RBFOX1: variants seen among roughly 807,000 people sequenced by gnomAD.
RBFOX1 encodes RNA binding fox-1 homolog 1.
Under a neutral mutation model 57.7 loss-of-function variants are expected in RBFOX1, and 8 were observed. The ratio of observed to expected loss-of-function variants is 0.14; its 90% CI spans 0.08 to 0.25. RBFOX1 has a LOEUF of 0.25. RBFOX1 is among the 10% of genes least tolerant of loss of function. The pLI is 1.00. For synonymous variants in RBFOX1, 326 were observed against 222.4 expected, an observed-to-expected ratio of 1.47 and a Z score of -4.15; for missense variants, 611 against 548.5, an observed-to-expected ratio of 1.11 and a Z score of -1.14.
intron 2 of RBFOX1, among the ~76,000 whole-genome samples, chr16:6,397,645 A>G (rs978369679): frequency 1.2e-4 from 18 of 152,368 alleles, no homozygotes; most frequent in Admixed American, 5.2e-4. Context: ...ATAAAAGGTT[A>G]TAATGCTTCT....
At chr16:6,972,722 C>T (rs1452555761) in intron 3 of RBFOX1, among the ~76,000 whole-genome samples, 4 of 151,922 alleles carry the variant, frequency 2.6e-5, no homozygotes, top group South Asian at 2.1e-4. Context: ...TGGTCTCATG[C>T]GAAAGTATAA....
At chr16:7,066,490 C>T (rs117082276) in intron 4 of RBFOX1, among the ~76,000 whole-genome samples, 1,677 of 152,278 alleles carry the variant, frequency 0.011, 17 homozygotes, top group Non-Finnish European at 0.017. Flanking sequence ...AATGCCTCCC[C>T]TGGTTAGTTA....
At chr16:7,036,889 G>A (rs1427535358) in intron 3 of RBFOX1, among the ~76,000 whole-genome samples, 1 of 152,180 alleles carries the variant, frequency 6.6e-6, no homozygotes, top group Non-Finnish European at 1.5e-5. Flanking sequence ...CCTTGGGGCT[G>A]CTTGTTTCCC....
intron 3 of RBFOX1, among the ~76,000 whole-genome samples, chr16:6,822,991 G>C (rs555919548): frequency 6.6e-6 from 1 of 152,276 alleles, no homozygotes; most frequent in South Asian, 2.1e-4. Flanking sequence ...GCTTCTCAAC[G>C]TGTAGATACT....
At chr16:5,252,117 C>T (rs1014900699) in intron 1 of RBFOX1, among the ~76,000 whole-genome samples, 5 of 152,178 alleles carry the variant, frequency 3.3e-5, no homozygotes, top group Non-Finnish European at 7.4e-5. Flanking sequence ...AGGTGACCCT[C>T]TGTTTACTCT....
intron 2 of RBFOX1, among the ~76,000 whole-genome samples, chr16:6,489,827 A>C (rs1365467080): frequency 6.6e-6 from 1 of 152,196 alleles, no homozygotes; most frequent in Non-Finnish European, 1.5e-5. Context: ...CAACAGCAAA[A>C]AAGCCACCAA....
chr16:6,249,379 G>A (rs113427417), intron 1 of RBFOX1, among the ~76,000 whole-genome samples: 6 of 152,242 alleles, frequency 3.9e-5, no homozygotes, highest in African/African-American at 1.4e-4. Context: ...ACAAAAATTA[G>A]CCAGACATGG....
At position 6,478,411 on chromosome 16, in the gene RBFOX1, ATATATATATATATATATATTTT is replaced by A. The variant is rs1439395412; in HGVS notation, c.-64+161356_-64+161377del. On this transcript the variant is annotated intron_variant, in intron 2 of 15. Transcript: ENST00000550418. ...CTAATATATATATATATATATATAT[ATATATATATATATATATATTTT>A]TTTTTTTTTTTTTTGTATTTTTAGT... Among the ~76,000 whole-genome samples the A allele has an allele frequency of 5.4e-3, 158 of 29,424 alleles. 8 individuals are homozygous for A. In the South Asian group the frequency reaches 0.06, roughly 11 times the overall value. The allele number at this position is 29,424 out of a possible 152,430, so 19.3% of individuals were successfully genotyped here. A position where few individuals can be genotyped will look rare whatever the true frequency, so the allele number is the denominator to read the frequency against.
chr16:7,093,389 A>G (rs564628801), intron 4 of RBFOX1, among the ~76,000 whole-genome samples: 74 of 152,282 alleles, frequency 4.9e-4, no homozygotes, highest in African/African-American at 1.7e-3. Flanking sequence ...TCCAGCCGCC[A>G]TGTTTTTCTT....
intron 3 of RBFOX1, among the ~76,000 whole-genome samples, chr16:6,973,006 C>A (rs1299751309): frequency 6.6e-6 from 1 of 152,054 alleles, no homozygotes; most frequent in African/African-American, 2.4e-5. Context: ...TGGTAGGCAC[C>A]TGTAATCCCA....
chr16:6,402,267 T>C (rs1215647806), intron 2 of RBFOX1, among the ~76,000 whole-genome samples: 1 of 152,038 alleles, frequency 6.6e-6, no homozygotes, highest in African/African-American at 2.4e-5. Flanking sequence ...GTCTCTGGGG[T>C]AGAATAAACT....
intron 4 of RBFOX1, among the ~76,000 whole-genome samples, chr16:5,895,506 C>T (rs563539774): frequency 2.0e-5 from 3 of 152,176 alleles, no homozygotes; most frequent in Admixed American, 6.5e-5. Flanking sequence ...GAGGACTCTG[C>T]GTTTTCATTC....
At chr16:7,430,802 G>A (rs1862057356) in intron 4 of RBFOX1, among the ~76,000 whole-genome samples, 1 of 152,206 alleles carries the variant, frequency 6.6e-6, no homozygotes, top group Non-Finnish European at 1.5e-5. Flanking sequence ...ATGGCCAAGT[G>A]CAAGTCACTT....
At chr16:5,770,688 C>T (rs1048282733) in intron 3 of RBFOX1, among the ~76,000 whole-genome samples, 4 of 152,022 alleles carry the variant, frequency 2.6e-5, no homozygotes, top group Non-Finnish European at 5.9e-5. Context: ...CAAGAACCCT[C>T]CTGGGCTAAG....
intron 1 of RBFOX1, among the ~76,000 whole-genome samples, chr16:6,297,847 C>G (rs11859053): frequency 0.3 from 44,816 of 151,912 alleles, 6,629 homozygotes; most frequent in South Asian, 0.34. Flanking sequence ...CACTGGGTGG[C>G]GAAACGCCAG....
chr16:6,524,646 C>A (rs944626679), intron 2 of RBFOX1, among the ~76,000 whole-genome samples: 2 of 152,176 alleles, frequency 1.3e-5, no homozygotes, highest in African/African-American at 4.8e-5. Context: ...GCACAGACTT[C>A]TCTCACATTT....
chr16:6,227,876 G>T (rs903692277), intron 1 of RBFOX1, among the ~76,000 whole-genome samples: 3 of 152,160 alleles, frequency 2.0e-5, no homozygotes, highest in Non-Finnish European at 4.4e-5. Flanking sequence ...GTAAACAGTA[G>T]GGAGGTTCCT....
chr16:5,357,148 A>G (rs1008865125), intron 1 of RBFOX1, among the ~76,000 whole-genome samples: 7 of 152,168 alleles, frequency 4.6e-5, no homozygotes, highest in Admixed American at 2.6e-4. Flanking sequence ...TCTTGGGCTC[A>G]CTGCTCGAGC....
At chr16:6,644,051 G>A (rs754484690) in intron 2 of RBFOX1, among the ~76,000 whole-genome samples, 2 of 152,064 alleles carry the variant, frequency 1.3e-5, no homozygotes, top group East Asian at 1.9e-4. Flanking sequence ...GTTTGAACCC[G>A]GGAGGCAGAG....
Sources: gnomAD v4.1 joint callset for allele counts (sites outside exome capture counted in the v4.1 genomes callset) on GRCh38, gnomAD v4.1.1 for gene constraint, MANE v1.5 for transcripts, NCBI Gene and HGNC (gene_info 2026-07-23, HGNC 2026-07-21) for gene names.